MAGI2: variants seen among roughly 807,000 people sequenced by gnomAD.
The protein encoded by MAGI2 is membrane associated guanylate kinase, WW and PDZ domain containing 2.
A neutral mutation model predicts 133.3 loss-of-function variants in MAGI2; 35 were observed. That is an observed-to-expected ratio of 0.26 (90% CI 0.20 to 0.35). The LOEUF (loss-of-function observed/expected upper bound fraction) is 0.35, where lower values mean the gene tolerates loss of function less well. MAGI2 is among the 10% of genes least tolerant of loss of function. The probability of loss-of-function intolerance (pLI) is 1.00; values close to 1 mark genes in which losing one functional copy is unlikely to be tolerated. For missense variants in MAGI2, 1,636 were observed against 1,863.4 expected (o/e 0.88, Z 2.25); for synonymous variants, 729 against 710.6 (o/e 1.03, Z -0.41).
intron 10 of MAGI2, chr7:78,252,114 T>C (rs1011065996): frequency 1.4e-5 from 2 of 138,268 alleles, no homozygotes; most frequent in Non-Finnish European, 3.0e-5. Context: ...CTGTAGCTTA[T>C]GCAACAGAGT....
intron 2 of MAGI2, among the ~76,000 whole-genome samples, chr7:78,929,026 G>A (rs1383250826): frequency 1.3e-5 from 2 of 152,000 alleles, no homozygotes; most frequent in East Asian, 3.9e-4. Flanking sequence ...AGCTCTCTCA[G>A]AGGTTAAAAA....
At chr7:78,056,083 C>T (rs1200854317) in intron 21 of MAGI2, among the ~76,000 whole-genome samples, 1 of 152,166 alleles carries the variant, frequency 6.6e-6, no homozygotes, top group Non-Finnish European at 1.5e-5. Context: ...CCCTTTCCCT[C>T]CTCCCCAGCC....
intron 1 of MAGI2, chr7:79,413,316 G>T (rs1846266670): frequency 6.6e-6 from 1 of 152,034 alleles, no homozygotes; most frequent in Non-Finnish European, 1.5e-5. Context: ...AAATAAAGAG[G>T]GAGATTTTTC....
chr7:79,338,454 G>C (rs1156747177), intron 1 of MAGI2, among the ~76,000 whole-genome samples: 1 of 152,136 alleles, frequency 6.6e-6, no homozygotes, highest in Admixed American at 6.6e-5. Context: ...CCTTCCATAA[G>C]AGCATGCAGT....
At chr7:79,039,871 T>TGTATAC (rs1811490222) in intron 1 of MAGI2, among the ~76,000 whole-genome samples, 1 of 143,846 alleles carries the variant, frequency 7.0e-6, no homozygotes, top group African/African-American at 2.6e-5. Context: ...ATATATAATA[T>TGTATAC]ATATGTATAT....
At chr7:78,255,856 C>G (rs1026239374) in intron 10 of MAGI2, 87 bp downstream of exon 10, 4 of 1,332,408 alleles carry the variant, frequency 3.0e-6, no homozygotes, top group Non-Finnish European at 4.2e-6. Context: ...TCATTCAACT[C>G]CAAGGAAATC....
chr7:79,165,298 G>A (rs916375848), intron 1 of MAGI2, among the ~76,000 whole-genome samples: 1 of 151,158 alleles, frequency 6.6e-6, no homozygotes, highest in Non-Finnish European at 1.5e-5. Flanking sequence ...CTTTTTATAT[G>A]TGCTGTACTA....
intron 9 of MAGI2, among the ~76,000 whole-genome samples, chr7:78,324,352 T>C (rs750156736): frequency 2.0e-5 from 3 of 152,094 alleles, no homozygotes; most frequent in Non-Finnish European, 4.4e-5. Context: ...TTACTGAGAC[T>C]CGTATTAAAC....
At chr7:78,340,004 A>G (rs573507221) in intron 9 of MAGI2, among the ~76,000 whole-genome samples, 1 of 152,340 alleles carries the variant, frequency 6.6e-6, no homozygotes, top group South Asian at 2.1e-4. Flanking sequence ...TAAAAATGTC[A>G]GATGAATACC....
At chr7:79,283,356 T>C (rs1316766482) in intron 1 of MAGI2, among the ~76,000 whole-genome samples, 2 of 152,166 alleles carry the variant, frequency 1.3e-5, no homozygotes, top group East Asian at 1.9e-4. Context: ...AAGCATTCTT[T>C]GCGTGTCCAA....
chr7:78,159,861 G>A (rs2150606791), intron 16 of MAGI2, 164 bp downstream of exon 16: 6 of 794,630 alleles, frequency 7.6e-6, no homozygotes, highest in Non-Finnish European at 1.1e-5. Flanking sequence ...GTAACTGTCT[G>A]CTAGTCAGTG....
At chr7:78,334,458 T>A (rs2151160700) in intron 9 of MAGI2, among the ~76,000 whole-genome samples, 1 of 152,306 alleles carries the variant, frequency 6.6e-6, no homozygotes, top group East Asian at 1.9e-4. Context: ...CATCCTAGAC[T>A]TATTCCCAGA....
At chr7:78,416,173 T>C (rs1010590620) in intron 6 of MAGI2, among the ~76,000 whole-genome samples, 1 of 152,120 alleles carries the variant, frequency 6.6e-6, no homozygotes, top group African/African-American at 2.4e-5. Flanking sequence ...AGTGAATATG[T>C]TGGAACAATG....
At chr7:79,149,601 T>C (rs1822996872) in intron 1 of MAGI2, among the ~76,000 whole-genome samples, 1 of 152,086 alleles carries the variant, frequency 6.6e-6, no homozygotes, top group African/African-American at 2.4e-5. Context: ...GTTAGTCCTT[T>C]CCAATTCTTT....
At position 79,011,924 on chromosome 7, in the gene MAGI2, C is replaced by CCTTCCTTCCTTCCTTTCTTTCTTTCTTT. The variant is rs1413880167; in HGVS notation, c.302-4719_302-4718insAAAGAAAGAAAGAAAGGAAGGAAGGAAG. Among the ~76,000 whole-genome samples the CCTTCCTTCCTTCCTTTCTTTCTTTCTTT allele has an allele frequency of 1.1e-4, 13 of 121,282 alleles. No homozygotes were observed. The East Asian group carries it at 1.5e-3, about 14-fold the overall frequency. 79.6% of individuals were successfully genotyped at this position (121,282 alleles called of 152,430 possible). A position where few individuals can be genotyped will look rare whatever the true frequency, so the allele number is the denominator to read the frequency against. On this transcript the variant is annotated intron_variant, in intron 1 of 21. Transcript: ENST00000354212. Reference sequence around the variant, plus strand: ...TCCTTCCTTCCTTCCTTCCTTCCTTCCTTTCTTTCTTTCTTTCTTTCTTTC... The same window carrying CCTTCCTTCCTTCCTTTCTTTCTTTCTTT: ...TCCTTCCTTCCTTCCTTCCTTCCTTCCTTCCTTCCTTCCTTTCTTTCTTTCTTTCTTTCTTTCTTTCTTTCTTTCTTTC...
intron 1 of MAGI2, among the ~76,000 whole-genome samples, chr7:79,370,103 C>A (rs550171961): frequency 3.1e-4 from 47 of 152,154 alleles, no homozygotes; most frequent in African/African-American, 1.1e-3. Flanking sequence ...AAATAATTTT[C>A]ATCTAGTTCT....
At chr7:78,280,600 T>A (rs1450257683) in intron 9 of MAGI2, among the ~76,000 whole-genome samples, 1 of 152,104 alleles carries the variant, frequency 6.6e-6, no homozygotes, top group East Asian at 1.9e-4. Context: ...CCGTGACATA[T>A]AAGTATCACT....
intron 21 of MAGI2, among the ~76,000 whole-genome samples, chr7:78,040,261 T>C (rs1810663945): frequency 2.0e-5 from 3 of 152,192 alleles, no homozygotes; most frequent in Admixed American, 2.0e-4. Context: ...GCGACTTCCT[T>C]TGGATCACCT....
chr7:78,665,149 T>C (rs1813411506), intron 2 of MAGI2, among the ~76,000 whole-genome samples: 1 of 152,108 alleles, frequency 6.6e-6, no homozygotes, highest in Non-Finnish European at 1.5e-5. Context: ...TGTATACATA[T>C]CTATGATTAT....
Sources: gnomAD v4.1 joint callset for allele counts (sites outside exome capture counted in the v4.1 genomes callset) on GRCh38, gnomAD v4.1.1 for gene constraint, MANE v1.5 for transcripts, NCBI Gene and HGNC (gene_info 2026-07-23, HGNC 2026-07-21) for gene names.